Variants in PRDM16 observed in about 807,000 individuals in gnomAD.
PRDM16 encodes histone-lysine N-methyltransferase PRDM16.
A neutral mutation model predicts 110.6 loss-of-function variants in PRDM16; 23 were observed. That is an observed-to-expected ratio of 0.21 (90% CI 0.15 to 0.29). The LOEUF is 0.29. Ranked by LOEUF, PRDM16 falls within the 10% of genes least tolerant of loss-of-function variation. The pLI, the probability that PRDM16 is intolerant of heterozygous loss-of-function variation, is 1.00. For missense variants in PRDM16, 1,615 were observed against 1,794.3 expected, an observed-to-expected ratio of 0.90 and a Z score of 1.81; for synonymous variants, 799 against 781.8, an observed-to-expected ratio of 1.02 and a Z score of -0.37.
rs139397264 is a variant in PRDM16 at position 3,184,578 on chromosome 1, T to C, written c.38-1547T>C. On this transcript the variant is annotated intron_variant, in intron 1 of 16. Coordinates refer to ENST00000270722, the MANE Select transcript of PRDM16 (RefSeq NM_022114.4). Reference sequence around the variant, plus strand: ...CTAACACTCGCGCCTGCCTTTTTTATGTTATCGAGGCAGAATTCAACCTCT... The same window carrying C: ...CTAACACTCGCGCCTGCCTTTTTTACGTTATCGAGGCAGAATTCAACCTCT... Among the ~76,000 whole-genome samples the C allele has an allele frequency of 1.2e-3, 179 of 152,308 alleles. 1 individual carries two copies. Among genetic ancestry groups the C allele is most frequent in the African/African-American group, 4.0e-3 (166 of 41,564 alleles).
intron 14 of PRDM16, among the ~76,000 whole-genome samples, chr1:3,429,376 GC>G (rs1292144252): frequency 6.6e-6 from 1 of 152,254 alleles, no homozygotes; most frequent in East Asian, 1.9e-4. Flanking sequence ...TGGGGGGTGT[GC>G]AGCAGACATA....
At chr1:3,226,562 T>C (rs1489444095) in intron 2 of PRDM16, among the ~76,000 whole-genome samples, 1 of 152,214 alleles carries the variant, frequency 6.6e-6, no homozygotes, top group African/African-American at 2.4e-5. Context: ...TTGCAATTAA[T>C]ACTCTTGAGT....
At position 3,411,481 on chromosome 1, in the gene PRDM16, T is replaced by C. The variant is rs2100662174; in HGVS notation, c.1284T>C (p.Cys428=). 1 of 1,614,204 alleles carries C rather than the reference T, an allele frequency of 6.2e-7. No homozygotes were observed. The highest frequency in any genetic ancestry group is 8.5e-7 in the Non-Finnish European group (1 of 1,180,042). ...DCRTQIKCKD[C]GQMFSTTSSL... ...GCACGCAGATCAAGTGCAAGGACTG[T>C]GGCCAGATGTTCAGCACTACCTCCT... The change falls in exon 9 of 17, where the codon TGT becomes TGC. Residue 428 remains cysteine (C), a synonymous_variant. Transcript: ENST00000270722.
At chr1:3,349,050 C>G (rs568843281) in intron 3 of PRDM16, among the ~76,000 whole-genome samples, 2 of 152,164 alleles carry the variant, frequency 1.3e-5, no homozygotes, top group Non-Finnish European at 2.9e-5. Context: ...CCAGCATGGC[C>G]GGAGAGGCTG....
intron 1 of PRDM16, among the ~76,000 whole-genome samples, chr1:3,141,298 G>A (rs976865669): frequency 6.6e-6 from 1 of 152,138 alleles, no homozygotes; most frequent in African/African-American, 2.4e-5. Context: ...TACCTGCCCT[G>A]TCAGCTCAGC....
intron 1 of PRDM16, among the ~76,000 whole-genome samples, chr1:3,125,239 C>T (rs1335188310): frequency 6.6e-6 from 1 of 152,278 alleles, no homozygotes; most frequent in Admixed American, 6.5e-5. Context: ...TGAATCACTC[C>T]GGCTGAGGCT....
intron 1 of PRDM16, among the ~76,000 whole-genome samples, chr1:3,082,532 T>C (rs1158523332): frequency 6.6e-6 from 1 of 152,132 alleles, no homozygotes; most frequent in Non-Finnish European, 1.5e-5. Context: ...CGGGGAAACC[T>C]CCCTCACCCC....
At position 3,201,706 on chromosome 1, in the gene PRDM16, G is replaced by A. The variant is rs142318203; in HGVS notation, c.387+15232G>A. On this transcript the variant is annotated intron_variant, in intron 2 of 16. Coordinates refer to ENST00000270722, the MANE Select transcript of PRDM16 (RefSeq NM_022114.4). This position sits in a 1 kb window ranked among gnomAD's most constrained non-coding sequence, Gnocchi z 4.1. ...AGCACCTGCAGGGCAGGACCTCCCC[G>A]CTTGGATGCTGGTGACACATTCTTC... Among the ~76,000 whole-genome samples the A allele has an allele frequency of 2.8e-4, 43 of 152,348 alleles. No homozygotes were observed. In the East Asian group the frequency reaches 6.8e-3, roughly 24 times the overall value.
chr1:3,173,674 G>A (rs1644054195), intron 1 of PRDM16, among the ~76,000 whole-genome samples: 1 of 152,262 alleles, frequency 6.6e-6, no homozygotes, highest in Admixed American at 6.5e-5. Flanking sequence ...CAGAGGCTGG[G>A]GCTGTTTGCC....
At chr1:3,128,683 TGG>T (rs1643262593) in intron 1 of PRDM16, among the ~76,000 whole-genome samples, 1 of 62,752 alleles carries the variant, frequency 1.6e-5, no homozygotes, top group Non-Finnish European at 3.1e-5. Context: ...ACCATGCTAC[TGG>T]AGACCATCCC....
intron 3 of PRDM16, among the ~76,000 whole-genome samples, chr1:3,260,486 TATG>T (rs761046613): frequency 8.6e-5 from 13 of 151,980 alleles, no homozygotes; most frequent in Admixed American, 2.6e-4. Context: ...GCCTCAGAGT[TATG>T]GTGGTGACTA....
chr1:3,405,607 A>G lies in PRDM16; in HGVS notation c.1145A>G (p.Lys382Arg). ...GKTFATSSGLKQHKHIHSTVK... is the reference protein window; with the variant it reads ...GKTFATSSGLRQHKHIHSTVK... Reference sequence around the variant, plus strand: ...ACCTTCGCCACGTCCTCCGGCCTCAAGCAGCACAAGCATATCCACAGCACG... The same window carrying G: ...ACCTTCGCCACGTCCTCCGGCCTCAGGCAGCACAAGCATATCCACAGCACG... The change falls in exon 8 of 17, where the codon AAG (lysine) becomes AGG (arginine). Residue 382 changes from lysine to arginine, a missense_variant. Physicochemically the swap from Lys to Arg is conservative, Grantham distance 26. Transcript: ENST00000270722. The G allele has an allele frequency of 6.2e-7, 1 of 1,610,992 alleles. No individual in the cohort carries two copies. Among genetic ancestry groups the G allele is most frequent in the Non-Finnish European group, 8.5e-7 (1 of 1,178,920 alleles).
At chr1:3,284,289 G>T (rs1640799437) in intron 3 of PRDM16, among the ~76,000 whole-genome samples, 3 of 152,238 alleles carry the variant, frequency 2.0e-5, no homozygotes, top group Admixed American at 2.0e-4. Context: ...AACGTTTTCG[G>T]CCCCTGTCTG....
chr1:3,334,939 G>C (rs142270479), intron 3 of PRDM16, among the ~76,000 whole-genome samples: 11 of 152,198 alleles, frequency 7.2e-5, no homozygotes, highest in African/African-American at 2.2e-4. Context: ...GGCCATCCAC[G>C]CGTCCAACCC....
chr1:3,269,637 TCCC>T (rs1640384746), intron 3 of PRDM16, among the ~76,000 whole-genome samples: 2 of 95,852 alleles, frequency 2.1e-5, no homozygotes, highest in African/African-American at 1.4e-4. Flanking sequence ...AGGAGCACAG[TCCC>T]GGAGGAGGAC....
intron 2 of PRDM16, chr1:3,186,693 C>T (rs766148254): frequency 1.3e-5 from 6 of 470,532 alleles, no homozygotes; most frequent in Non-Finnish European, 2.2e-5. Context: ...CTGTAGGCCA[C>T]GCCCACTCTC....
At chr1:3,084,006 G>C (rs560342648) in intron 1 of PRDM16, among the ~76,000 whole-genome samples, 3 of 152,370 alleles carry the variant, frequency 2.0e-5, no homozygotes, top group South Asian at 4.1e-4. Context: ...AAGAGAACAG[G>C]ACCCTTGTTC....
intron 1 of PRDM16, among the ~76,000 whole-genome samples, chr1:3,101,563 G>A (rs926854868): frequency 2.0e-5 from 3 of 152,232 alleles, no homozygotes; most frequent in Non-Finnish European, 4.4e-5. Context: ...GGCACAGGAG[G>A]GCAGGCTTGG....
In PRDM16 at chr1:3,370,437, G is replaced by A. The variant is rs1024342508; in HGVS notation, c.439-14715G>A. Among the ~76,000 whole-genome samples the A allele has an allele frequency of 1.6e-4, 24 of 152,090 alleles. No homozygotes were observed. Among genetic ancestry groups the A allele is most frequent in the Non-Finnish European group, 2.5e-4 (17 of 68,034 alleles). ...CTGACAGTCTCAGTCATCTGGAGGC[G>A]CCTTCATTCATTCATTTGTTCCCCA... On this transcript the variant is annotated intron_variant, in intron 3 of 16. Transcript: ENST00000270722. The surrounding 1 kb of genome is among the most constrained non-coding windows in gnomAD (Gnocchi z 4.8).
Sources: gnomAD v4.1 joint callset for allele counts (sites outside exome capture counted in the v4.1 genomes callset) on GRCh38, gnomAD v4.1.1 for gene constraint, Gnocchi (gnomAD v3.1) non-coding constraint, MANE v1.5 for transcripts, NCBI Gene and HGNC (gene_info 2026-07-23, HGNC 2026-07-21) for gene names.